PLEKHG7: variants seen among roughly 807,000 people sequenced by gnomAD.
The protein encoded by PLEKHG7 is pleckstrin homology and RhoGEF domain containing G7.
PLEKHG7 carries 77 observed loss-of-function variants against 85.2 expected under a neutral mutation model. That is an observed-to-expected ratio of 0.90 (90% CI 0.75 to 1.09). The LOEUF is 1.09. Ranked by LOEUF, PLEKHG7 falls within the 50% of genes least tolerant of loss-of-function variation. PLEKHG7 has a pLI of 0.00. For synonymous variants in PLEKHG7, 301 were observed against 302.4 expected (o/e 1.00, Z 0.05); for missense variants, 777 against 804.3 (o/e 0.97, Z 0.41).
chr12:92,769,965 T>C (rs1386478677), intron 16 of PLEKHG7, 123 bp from the exon 17 acceptor site: 1 of 615,118 alleles, frequency 1.6e-6, no homozygotes, highest in African/African-American at 1.9e-5. Context: ...AAATGTTTCA[T>C]TAGTCTTCAG....
Position 92,740,917 on chromosome 12 carries a change from G to A in PLEKHG7, c.1004G>A (p.Arg335Lys). 1.2e-6 allele frequency: 2 copies of A among 1,612,230 alleles called. No homozygotes were observed. The highest frequency in any genetic ancestry group is 1.1e-5 in the South Asian group (1 of 90,978). ...HEYLLDVDLW[R>K]LFANLEELTQ... ...TATCTCCTAGATGTGGATTTATGGA[G>A]ACTTTTTGCAAACCTGGAGGAGTTA... is the stretch of plus-strand genomic sequence containing the variant. The change falls in exon 8 of 17, where the codon AGA (arginine) becomes AAA (lysine). Residue 335 changes from arginine (R) to lysine (K), a missense_variant. Coordinates refer to ENST00000344636, the MANE Select transcript of PLEKHG7 (RefSeq NM_001377329.1).
At chr12:92,757,867 G>C (rs1872878040) in intron 13 of PLEKHG7, among the ~76,000 whole-genome samples, 1 of 152,294 alleles carries the variant, frequency 6.6e-6, no homozygotes, top group Admixed American at 6.5e-5. Context: ...GGTTAAAAGG[G>C]TGTTGAAGAA....
At chr12:92,753,591 G>A (rs1240793334) in intron 10 of PLEKHG7, among the ~76,000 whole-genome samples, 4 of 152,058 alleles carry the variant, frequency 2.6e-5, no homozygotes, top group Admixed American at 2.6e-4. Context: ...CTTTGTTCTA[G>A]ATCAACTGAG....
chr12:92,723,131 G>T (rs1443406508), intron 3 of PLEKHG7, among the ~76,000 whole-genome samples: 1 of 152,222 alleles, frequency 6.6e-6, no homozygotes, highest in Non-Finnish European at 1.5e-5. Flanking sequence ...AGTGCACAGT[G>T]TGTTTAAAGA....
At chr12:92,704,043 T>G (rs1871161824) in intron 1 of PLEKHG7, among the ~76,000 whole-genome samples, 1 of 152,208 alleles carries the variant, frequency 6.6e-6, no homozygotes, top group South Asian at 2.1e-4. Context: ...TTGGACAGTC[T>G]TCTAAAGGAG....
At chr12:92,734,774 C>T (rs958046233) in intron 5 of PLEKHG7, among the ~76,000 whole-genome samples, 5 of 152,194 alleles carry the variant, frequency 3.3e-5, no homozygotes, top group Admixed American at 3.3e-4. Flanking sequence ...TTCAGTTTTG[C>T]TCCAGTTCCA....
At chr12:92,764,790 T>C (rs1873142601) in intron 15 of PLEKHG7, among the ~76,000 whole-genome samples, 1 of 152,032 alleles carries the variant, frequency 6.6e-6, no homozygotes, top group South Asian at 2.1e-4. Flanking sequence ...GCCCTACAGA[T>C]ACAAAGATGA....
In PLEKHG7 at chr12:92,749,349, T is replaced by A. The variant is rs535229601; in HGVS notation, c.1251+3758T>A. Among the ~76,000 whole-genome samples, 3 of 152,212 alleles carry A rather than the reference T, an allele frequency of 2.0e-5. No homozygotes were observed. In the South Asian group the frequency reaches 6.2e-4, roughly 32 times the overall value. ...CTCTGTCACCCAGGCTAGAGTGCAG[T>A]GGTACAATCACAGCTCACTGCAACC... On this transcript the variant is annotated intron_variant, in intron 10 of 16. Transcript: ENST00000344636.
intron 4 of PLEKHG7, among the ~76,000 whole-genome samples, chr12:92,729,784 A>C (rs889795395): frequency 6.6e-6 from 1 of 152,202 alleles, no homozygotes; most frequent in Non-Finnish European, 1.5e-5. Context: ...TTTACAAAAG[A>C]ATCCTTGCTT....
intron 13 of PLEKHG7, among the ~76,000 whole-genome samples, chr12:92,756,860 A>G (rs1872850152): frequency 6.6e-6 from 1 of 152,190 alleles, no homozygotes; most frequent in Admixed American, 6.5e-5. Flanking sequence ...TCTAGTTGGG[A>G]AGCTCTGCCT....
chr12:92,762,136 C>T (rs1873055207), intron 14 of PLEKHG7, among the ~76,000 whole-genome samples: 1 of 152,202 alleles, frequency 6.6e-6, no homozygotes, highest in South Asian at 2.1e-4. Flanking sequence ...AGCCACAGGA[C>T]TTTGCCTGAC....
intron 3 of PLEKHG7, among the ~76,000 whole-genome samples, chr12:92,722,390 T>C (rs1043166631): frequency 1.3e-5 from 2 of 152,232 alleles, no homozygotes; most frequent in Non-Finnish European, 2.9e-5. Context: ...TGGTTCTTGA[T>C]ATTTTTATTA....
Position 92,736,647 on chromosome 12 carries a change from G to A in PLEKHG7, c.795+70G>A, listed in dbSNP as rs1184203518. Reference sequence around the variant, plus strand: ...GTTTTTTGGTGGGGTGGGGAAGGTCGGGTCAGTATTTTAAGCTGCCAGATT... The same window carrying A: ...GTTTTTTGGTGGGGTGGGGAAGGTCAGGTCAGTATTTTAAGCTGCCAGATT... On this transcript the variant is annotated intron_variant, in intron 6 of 16. Transcript: ENST00000344636. 7 of 983,788 alleles carry A rather than the reference G, an allele frequency of 7.1e-6. No individual in the cohort carries two copies. The East Asian group carries it at 1.3e-4, about 18-fold the overall frequency. The allele number at this position is 983,788 out of a possible 1,614,324, so 60.9% of individuals were successfully genotyped here.
At chr12:92,721,821 G>T (rs1198292232) in intron 3 of PLEKHG7, among the ~76,000 whole-genome samples, 1 of 150,728 alleles carries the variant, frequency 6.6e-6, no homozygotes, top group African/African-American at 2.4e-5. Flanking sequence ...ACAATGGGTT[G>T]CCAGCCACAC....
intron 16 of PLEKHG7, 72 bp from the exon 17 acceptor site, chr12:92,770,016 C>T (rs1194222617): frequency 9.1e-6 from 9 of 994,168 alleles, no homozygotes; most frequent in Admixed American, 2.4e-5. Context: ...AAAATATTAG[C>T]CCAAATATGT....
rs775079539 is a variant in PLEKHG7 at position 92,764,190 on chromosome 12, G to A, written c.1866G>A (p.Val622=). 1.9e-6 allele frequency: 3 copies of A among 1,603,096 alleles called. No individual in the cohort carries two copies. The highest frequency in any genetic ancestry group is 1.1e-5 in the South Asian group (1 of 88,882). Residue 622 remains valine, a synonymous_variant, in exon 15 of 17, where the codon GTG becomes GTA. Coordinates refer to ENST00000344636, the MANE Select transcript of PLEKHG7 (RefSeq NM_001377329.1). ...LVVKSIEPLH[V]SVFGLRNAFL... is the part of the protein sequence containing the mutation. ...TCAAAAGTATTGAACCACTCCATGT[G>A]TCAGGTATGTGTCTATTTTCATTAT...
intron 3 of PLEKHG7, among the ~76,000 whole-genome samples, chr12:92,713,651 A>G (rs1871407946): frequency 1.3e-5 from 2 of 152,188 alleles, no homozygotes; most frequent in South Asian, 4.1e-4. Flanking sequence ...CTATTTCACA[A>G]GGCATTGGTC....
At chr12:92,761,853 G>T (rs367655997) in intron 14 of PLEKHG7, 22 bp downstream of exon 14, 13 of 1,549,624 alleles carry the variant, frequency 8.4e-6, no homozygotes, top group Middle Eastern at 3.5e-4. Context: ...CTATTTCAAA[G>T]TACGTTTCTA....
At chr12:92,761,901 T>C in intron 14 of PLEKHG7, 70 bp downstream of exon 14, 1 of 1,413,066 alleles carries the variant, frequency 7.1e-7, no homozygotes, top group Non-Finnish European at 9.2e-7. Context: ...TATTTCTAAA[T>C]AAACTGTGGT....
Sources: gnomAD v4.1 joint callset for allele counts (sites outside exome capture counted in the v4.1 genomes callset) on GRCh38, gnomAD v4.1.1 for gene constraint, MANE v1.5 for transcripts, NCBI Gene and HGNC (gene_info 2026-07-23, HGNC 2026-07-21) for gene names.